UBE2W: variants seen among roughly 807,000 people sequenced by gnomAD.
The protein encoded by UBE2W is ubiquitin-conjugating enzyme E2 W.
Under a neutral mutation model 27.2 loss-of-function variants are expected in UBE2W, and 18 were observed. That is an observed-to-expected ratio of 0.66 (90% CI 0.46 to 0.98). The LOEUF (loss-of-function observed/expected upper bound fraction) is 0.98, where lower values mean the gene tolerates loss of function less well. Among genes scored for constraint, UBE2W ranks in the 50% least tolerant of loss-of-function variants. UBE2W has a pLI of 0.00. For synonymous variants in UBE2W, 53 were observed against 57.2 expected (o/e 0.93, Z 0.33); for missense variants, 90 against 180.2 (o/e 0.50, Z 2.87).
At chr8:73,816,278 AC>A (rs1809381351) in intron 3 of UBE2W, among the ~76,000 whole-genome samples, 1 of 151,948 alleles carries the variant, frequency 6.6e-6, no homozygotes, top group Non-Finnish European at 1.5e-5. Flanking sequence ...CTTCCCCTTG[AC>A]CCCCAAGGCT....
intron 2 of UBE2W, among the ~76,000 whole-genome samples, chr8:73,828,528 G>C (rs2130905350): frequency 6.6e-6 from 1 of 152,166 alleles, no homozygotes; most frequent in South Asian, 2.1e-4. Flanking sequence ...TCTTTTTCTA[G>C]ATCTGTTACT....
chr8:73,821,206 G>C (rs1809597356), intron 3 of UBE2W, among the ~76,000 whole-genome samples: 3 of 151,998 alleles, frequency 2.0e-5, no homozygotes, highest in Admixed American at 6.6e-5. Context: ...ATTAAAACGT[G>C]AACAAGGCAC....
chr8:73,804,724 CT>C (rs530482301), intron 5 of UBE2W, among the ~76,000 whole-genome samples: 142 of 145,100 alleles, frequency 9.8e-4, no homozygotes, highest in Middle Eastern at 3.6e-3. Context: ...GTAACTAGTT[CT>C]TTTTTTTTTT....
chr8:73,828,072 T>C (rs544191298), intron 2 of UBE2W, among the ~76,000 whole-genome samples: 1 of 152,324 alleles, frequency 6.6e-6, no homozygotes, highest in South Asian at 2.1e-4. Context: ...TCAGGGTTTA[T>C]GATTCCAATC....
intron 2 of UBE2W, among the ~76,000 whole-genome samples, 183 bp downstream of exon 2, chr8:73,830,198 T>A (rs1456329437): frequency 1.3e-5 from 2 of 152,192 alleles, no homozygotes; most frequent in Non-Finnish European, 2.9e-5. Flanking sequence ...TGCAACAATG[T>A]TTATAATGCC....
At chr8:73,848,619 G>A (rs1242796887) in intron 1 of UBE2W, among the ~76,000 whole-genome samples, 1 of 152,136 alleles carries the variant, frequency 6.6e-6, no homozygotes, top group African/African-American at 2.4e-5. Context: ...CTGAGCCTAG[G>A]AATTGGAGGC....
At chr8:73,847,361 G>GT (rs1234473230) in intron 1 of UBE2W, among the ~76,000 whole-genome samples, 6 of 152,228 alleles carry the variant, frequency 3.9e-5, no homozygotes, top group Non-Finnish European at 8.8e-5. Context: ...TGGTAGGTAT[G>GT]TACGGGAACT....
Position 73,792,636 on chromosome 8 carries a change from G to C in UBE2W, c.*1466C>G, listed in dbSNP as rs1261913426. ...CACTGCAGGATATTTCAAAAAGAGT[G>C]CAACAATAAGGCATTAGTAAAAATA... On this transcript the variant is annotated 3_prime_UTR_variant, in exon 6 of 6. Coordinates refer to ENST00000602593, the MANE Select transcript of UBE2W (RefSeq NM_018299.6). The C allele has an allele frequency of 1.0e-6, 1 of 985,432 alleles. No individual in the cohort carries two copies. The highest frequency in any genetic ancestry group is 1.7e-5 in the African/African-American group (1 of 57,208). The allele number at this position is 985,432 out of a possible 1,614,324, so 61.0% of individuals were successfully genotyped here.
chr8:73,805,014 T>C (rs1808814735), intron 5 of UBE2W, among the ~76,000 whole-genome samples: 1 of 151,930 alleles, frequency 6.6e-6, no homozygotes, highest in Non-Finnish European at 1.5e-5. Flanking sequence ...TAGGCCACCA[T>C]GCCTGGGCTC....
chr8:73,870,288 C>A, intron 1 of UBE2W: 1 of 1,586,084 alleles, frequency 6.3e-7, no homozygotes, highest in African/African-American at 1.3e-5. Context: ...TACTTCCACC[C>A]TCCTTCCTGT....
Position 73,793,110 on chromosome 8 carries a change from A to T in UBE2W, c.*992T>A. On this transcript the variant is annotated 3_prime_UTR_variant, in exon 6 of 6. Coordinates refer to ENST00000602593, the MANE Select transcript of UBE2W (RefSeq NM_018299.6). ...GTAACATTCAAACTTGACTTATAAC[A>T]AAAGAAACAAGATTGCAAACAAAAA... The T allele has an allele frequency of 1.1e-5, 11 of 985,864 alleles. No homozygotes were observed. Among genetic ancestry groups the T allele is most frequent in the Non-Finnish European group, 1.3e-5 (11 of 829,904 alleles). 61.1% of individuals were successfully genotyped at this position (985,864 alleles called of 1,614,324 possible).
chr8:73,794,488 T>G (rs1203634413), intron 5 of UBE2W, among the ~76,000 whole-genome samples: 1 of 152,234 alleles, frequency 6.6e-6, no homozygotes, highest in Non-Finnish European at 1.5e-5. Flanking sequence ...AACAGTGCCA[T>G]GCTATTTAAC....
At chr8:73,797,515 T>C (rs1808472351) in intron 5 of UBE2W, among the ~76,000 whole-genome samples, 1 of 152,210 alleles carries the variant, frequency 6.6e-6, no homozygotes, top group Admixed American at 6.5e-5. Context: ...CTCAGGAATT[T>C]AGTAAATGGT....
At chr8:73,872,401 TATATA>T (rs1488834650) in intron 1 of UBE2W, among the ~76,000 whole-genome samples, 9 of 152,334 alleles carry the variant, frequency 5.9e-5, no homozygotes, top group South Asian at 4.1e-4. Flanking sequence ...AATTCATATT[TATATA>T]ATATACCAAA....
chr8:73,871,745 A>C (rs1812015687), intron 1 of UBE2W, among the ~76,000 whole-genome samples: 1 of 152,222 alleles, frequency 6.6e-6, no homozygotes, highest in South Asian at 2.1e-4. Context: ...TTCATCTAAC[A>C]AATGCTTAAT....
intron 1 of UBE2W, among the ~76,000 whole-genome samples, chr8:73,857,752 G>C (rs1164499245): frequency 6.6e-6 from 1 of 152,004 alleles, no homozygotes; most frequent in Non-Finnish European, 1.5e-5. Context: ...GGAGGTGGAG[G>C]TTGCAGTGAG....
At chr8:73,805,129 T>C (rs1405486059) in intron 5 of UBE2W, among the ~76,000 whole-genome samples, 1 of 152,046 alleles carries the variant, frequency 6.6e-6, no homozygotes, top group Non-Finnish European at 1.5e-5. Context: ...TTTACTTTTA[T>C]GATGGCTATG....
chr8:73,792,537 T>C lies in UBE2W; in HGVS notation c.*1565A>G. ...TATTTACCAATTATTGATTGAATGG[T>C]TTTACTGGGGTACGTATTTCAAACC... On this transcript the variant is annotated 3_prime_UTR_variant, in exon 6 of 6. Coordinates refer to ENST00000602593, the MANE Select transcript of UBE2W (RefSeq NM_018299.6). 14 of 985,682 alleles carry C rather than the reference T, an allele frequency of 1.4e-5. No homozygotes were observed. Among genetic ancestry groups the C allele is most frequent in the Non-Finnish European group, 1.6e-5 (13 of 829,778 alleles). The allele number at this position is 985,682 out of a possible 1,614,324, so 61.1% of individuals were successfully genotyped here.
At chr8:73,814,272 C>T (rs1411107733) in intron 3 of UBE2W, among the ~76,000 whole-genome samples, 1 of 152,136 alleles carries the variant, frequency 6.6e-6, no homozygotes, top group Non-Finnish European at 1.5e-5. Flanking sequence ...AAGTAGCTGA[C>T]AAAACTGACT....
Sources: allele counts gnomAD v4.1 joint callset (sites outside exome capture counted in the v4.1 genomes callset), GRCh38; gene constraint gnomAD v4.1.1; transcripts MANE v1.5; gene names NCBI Gene and HGNC (gene_info 2026-07-23, HGNC 2026-07-21).